OC90: variants seen among roughly 807,000 people sequenced by gnomAD.
The protein encoded by OC90 is otoconin-90.
In OC90, 46 loss-of-function variants were observed where a neutral mutation model predicts 47.3. That is an observed-to-expected ratio of 0.97 (90% CI 0.77 to 1.24). The LOEUF (loss-of-function observed/expected upper bound fraction) is 1.24, where lower values mean the gene tolerates loss of function less well. Among genes scored for constraint, OC90 ranks in the 50% most tolerant of loss-of-function variants. The pLI, the probability that OC90 is intolerant of heterozygous loss-of-function variation, is 0.00. For missense variants in OC90, 688 were observed against 583.9 expected (o/e 1.18, Z -1.84); for synonymous variants, 271 against 219.5 (o/e 1.23, Z -2.07).
At chr8:132,046,142 A>T in intron 2 of OC90, among the ~76,000 whole-genome samples, 1 of 152,074 alleles carries the variant, frequency 6.6e-6, no homozygotes, top group East Asian at 1.9e-4. Context: ...AGAGGTTGGG[A>T]GACTTATCTT....
chr8:132,034,591 T>C (rs1229147372), intron 10 of OC90, among the ~76,000 whole-genome samples, 190 bp downstream of exon 10: 1 of 152,206 alleles, frequency 6.6e-6, no homozygotes, highest in Non-Finnish European at 1.5e-5. Flanking sequence ...GGGTGTTTGG[T>C]GTTAATCACC....
At chr8:132,055,121 C>T in intron 1 of OC90, 48 bp from the exon 2 acceptor site, 1 of 1,051,880 alleles carries the variant, frequency 9.5e-7, no homozygotes, top group Non-Finnish European at 1.4e-6. Flanking sequence ...TCAGAATTCC[C>T]ATGAAAGAAC....
chr8:132,030,672 G>A (rs554660333), intron 12 of OC90, among the ~76,000 whole-genome samples: 1 of 152,250 alleles, frequency 6.6e-6, no homozygotes, highest in Non-Finnish European at 1.5e-5. Flanking sequence ...TGCACAGTGT[G>A]ACATCACCTT....
At chr8:132,030,236 T>C (rs1164753984) in intron 12 of OC90, among the ~76,000 whole-genome samples, 1 of 152,198 alleles carries the variant, frequency 6.6e-6, no homozygotes, top group Non-Finnish European at 1.5e-5. Flanking sequence ...TAAATCAAAA[T>C]ACTCATAAAA....
chr8:132,029,245 A>C, intron 12 of OC90, 66 bp from the exon 13 acceptor site: 1 of 1,238,880 alleles, frequency 8.1e-7, no homozygotes, highest in Non-Finnish European at 1.2e-6. Context: ...CCTCAAGCAC[A>C]GCCTGCTTCT....
At chr8:132,035,243 A>C (rs190199979) in intron 9 of OC90, among the ~76,000 whole-genome samples, 2 of 152,218 alleles carry the variant, frequency 1.3e-5, no homozygotes, top group African/African-American at 4.8e-5. Context: ...ACTGAGCCTC[A>C]GTTTCTCTGT....
intron 5 of OC90, 136 bp downstream of exon 5, chr8:132,041,389 G>C: frequency 1.4e-6 from 1 of 726,460 alleles, no homozygotes; most frequent in Non-Finnish European, 2.3e-6. Flanking sequence ...CACCCAACTA[G>C]TAGGTAGTGG....
chr8:132,028,590 G>A (rs1413173389), intron 13 of OC90, among the ~76,000 whole-genome samples: 3 of 29,724 alleles, frequency 1.0e-4, no homozygotes, highest in African/African-American at 3.0e-4. Context: ...AAGGAAGGAA[G>A]GAAGGAAGGA....
chr8:132,042,908 C>T (rs1017566607), intron 4 of OC90, among the ~76,000 whole-genome samples: 4 of 152,182 alleles, frequency 2.6e-5, no homozygotes, highest in African/African-American at 9.7e-5. Context: ...AGGAATTCCG[C>T]TACTGGAATT....
Position 132,024,588 on chromosome 8 carries a change from C to T in OC90, c.1327G>A (p.Glu443Lys), listed in dbSNP as rs891088983. 1.2e-6 allele frequency: 2 copies of T among 1,613,566 alleles called. No homozygotes were observed. The highest frequency in any genetic ancestry group is 1.7e-6 in the Non-Finnish European group (2 of 1,179,708). ...PAAPTLGSSS[E>K]EDSEEDPPQE... ...GGAGGGTCCTCCTCGCTGTCCTCCT[C>T]AGAGCTGGAGCCCAGGGTGGGGGCT... The change falls in exon 14 of 14, where the codon GAG becomes AAG. Residue 443 changes from glutamate (E) to lysine (K), a missense_variant. Physicochemically the swap from Glu to Lys is moderately conservative, Grantham distance 56. Transcript: ENST00000254627.
chr8:132,049,187 A>G (rs1221942824), intron 2 of OC90, among the ~76,000 whole-genome samples: 1 of 151,638 alleles, frequency 6.6e-6, no homozygotes, highest in Non-Finnish European at 1.5e-5. Context: ...ATACCTTCTG[A>G]TGTTATTTCC....
intron 13 of OC90, among the ~76,000 whole-genome samples, chr8:132,028,579 GA>G (rs1434738505): frequency 1.4e-4 from 2 of 14,558 alleles, no homozygotes; most frequent in Non-Finnish European, 3.2e-4. Context: ...AGGAAGGAAG[GA>G]AGGAAGGAAG....
intron 9 of OC90, chr8:132,036,245 G>A (rs1300501727): frequency 1.5e-6 from 1 of 666,648 alleles, no homozygotes; most frequent in East Asian, 2.6e-5. Flanking sequence ...TGTAAAATGG[G>A]TATAATAATA....
At position 132,024,368 on chromosome 8, in the gene OC90, T is replaced by C; in HGVS notation, c.*113A>G. ...ACGGCCTCTGTTCCCTCCCCGCCTC[T>C]GAGTTAAAGGAAGGGAAGAAGGCTC... On this transcript the variant is annotated 3_prime_UTR_variant, in exon 14 of 14. Transcript: ENST00000254627. 5 of 873,908 alleles carry C rather than the reference T, an allele frequency of 5.7e-6. No homozygotes were observed. Among genetic ancestry groups the C allele is most frequent in the Non-Finnish European group, 8.5e-6 (5 of 588,510 alleles). The allele number at this position is 873,908 out of a possible 1,614,324, so 54.1% of individuals were successfully genotyped here.
At chr8:132,028,585 A>G (rs1489395252) in intron 13 of OC90, among the ~76,000 whole-genome samples, 470 of 37,810 alleles carry the variant, frequency 0.012, 16 homozygotes, top group African/African-American at 0.03. Flanking sequence ...GAAGGAAGGA[A>G]GGAAGGAAGG....
chr8:132,049,334 T>C (rs748363406), intron 2 of OC90, among the ~76,000 whole-genome samples: 7 of 152,170 alleles, frequency 4.6e-5, no homozygotes, highest in Non-Finnish European at 1.0e-4. Flanking sequence ...TCAAGGCTCT[T>C]GGGGAAGCAG....
rs558366669 is a variant in OC90, at chr8:132,032,955, T to C, written c.859+84A>G. 1.7e-5 allele frequency: 25 copies of C among 1,440,794 alleles called. No homozygotes were observed. The African/African-American group carries it at 2.1e-4, about 12-fold the overall frequency. 89.3% of individuals were successfully genotyped at this position (1,440,794 alleles called of 1,614,324 possible). On this transcript the variant is annotated intron_variant, in intron 11 of 13. Coordinates refer to ENST00000254627, the MANE Select transcript of OC90 (RefSeq NM_001080399.3). The stretch of plus-strand genomic sequence containing the variant: ...TCACACCCCCATGAGAAGGTCACAG[T>C]GTGAAAAGGTGGCCTACGGTGATTG...
intron 4 of OC90, among the ~76,000 whole-genome samples, chr8:132,042,135 T>G (rs1000629810): frequency 8.0e-6 from 1 of 124,778 alleles, no homozygotes; most frequent in Non-Finnish European, 1.8e-5. Flanking sequence ...AAGATCCTTT[T>G]GATCTACACC....
At chr8:132,058,112 G>A (rs982604137) in intron 1 of OC90, among the ~76,000 whole-genome samples, 6 of 152,216 alleles carry the variant, frequency 3.9e-5, no homozygotes, top group African/African-American at 2.4e-5. Context: ...TCCTTGCTGC[G>A]CACAAAGAAG....
Sources: allele counts gnomAD v4.1 joint callset (sites outside exome capture counted in the v4.1 genomes callset), GRCh38; gene constraint gnomAD v4.1.1; transcripts MANE v1.5; gene names NCBI Gene and HGNC (gene_info 2026-07-23, HGNC 2026-07-21).